SLC24A3: variants seen among roughly 807,000 people sequenced by gnomAD.
The protein encoded by SLC24A3 is solute carrier family 24 member 3.
In SLC24A3, 28 loss-of-function variants were observed where a neutral mutation model predicts 75.8. The observed-to-expected ratio is 0.37, with a 90% CI of 0.27 to 0.51. SLC24A3 has a LOEUF of 0.51. SLC24A3 is among the 20% of genes least tolerant of loss of function. The pLI is 0.94. For missense variants in SLC24A3, 663 were observed against 847.8 expected, an observed-to-expected ratio of 0.78 and a Z score of 2.71; for synonymous variants, 372 against 334.1, an observed-to-expected ratio of 1.11 and a Z score of -1.24.
At chr20:19,254,573 C>T (rs571067215) in intron 1 of SLC24A3, among the ~76,000 whole-genome samples, 6 of 152,258 alleles carry the variant, frequency 3.9e-5, no homozygotes, top group Admixed American at 1.3e-4. Flanking sequence ...TTATATAACA[C>T]GCGTGATGAC....
At chr20:19,426,074 G>T (rs1600476253) in intron 2 of SLC24A3, among the ~76,000 whole-genome samples, 1 of 152,158 alleles carries the variant, frequency 6.6e-6, no homozygotes, top group Admixed American at 6.6e-5. Flanking sequence ...GCTGCTTCTA[G>T]GCCCTTCAAG....
intron 2 of SLC24A3, among the ~76,000 whole-genome samples, chr20:19,336,340 T>C (rs2122300239): frequency 6.6e-6 from 1 of 152,352 alleles, no homozygotes; most frequent in South Asian, 2.1e-4. Flanking sequence ...CTAAAAGATT[T>C]ACTACCTTGC....
chr20:19,262,587 TC>T (rs1983028492), intron 1 of SLC24A3, among the ~76,000 whole-genome samples: 1 of 151,958 alleles, frequency 6.6e-6, no homozygotes, highest in African/African-American at 2.4e-5. Flanking sequence ...ATATGCTGAT[TC>T]CCCCAATTGT....
intron 9 of SLC24A3, among the ~76,000 whole-genome samples, chr20:19,678,249 G>A (rs1332561688): frequency 2.7e-5 from 4 of 149,040 alleles, no homozygotes; most frequent in South Asian, 2.1e-4. Flanking sequence ...GGTGGTGGCC[G>A]GGCAGAGGGG....
chr20:19,311,894 G>A (rs940854644), intron 2 of SLC24A3, among the ~76,000 whole-genome samples: 9 of 152,108 alleles, frequency 5.9e-5, no homozygotes, highest in African/African-American at 2.2e-4. Context: ...TGAGAAACAT[G>A]GCTGCCGGTG....
intron 6 of SLC24A3, among the ~76,000 whole-genome samples, chr20:19,649,961 G>T (rs1568684992): frequency 1.3e-5 from 2 of 152,228 alleles, no homozygotes; most frequent in African/African-American, 4.8e-5. Context: ...CTTCTTTGCA[G>T]GAAGGGTCAG....
At chr20:19,575,612 A>G (rs188220219) in intron 3 of SLC24A3, among the ~76,000 whole-genome samples, 1 of 152,346 alleles carries the variant, frequency 6.6e-6, no homozygotes, top group African/African-American at 2.4e-5. Context: ...CCTATCATTC[A>G]TCGTTTCCAG....
intron 2 of SLC24A3, among the ~76,000 whole-genome samples, chr20:19,346,316 G>GGT (rs1985422315): frequency 1.1e-5 from 1 of 88,050 alleles, no homozygotes; most frequent in African/African-American, 6.1e-5. Flanking sequence ...ATATATATAT[G>GGT]GTATATATAT....
At chr20:19,325,795 TAGAGAGAGAGAG>T (rs745745496) in intron 2 of SLC24A3, among the ~76,000 whole-genome samples, 30 of 67,794 alleles carry the variant, frequency 4.4e-4, no homozygotes, top group East Asian at 1.3e-3. Flanking sequence ...TATATATATA[TAGAGAGAGAGAG>T]AGAGAGAGAG....
intron 2 of SLC24A3, among the ~76,000 whole-genome samples, chr20:19,318,133 G>A (rs1361453402): frequency 1.3e-5 from 2 of 152,184 alleles, no homozygotes; most frequent in Non-Finnish European, 2.9e-5. Flanking sequence ...GGCTGACTCT[G>A]AGGCACGAGT....
chr20:19,388,846 G>A (rs6046046), intron 2 of SLC24A3, among the ~76,000 whole-genome samples: 18,041 of 151,852 alleles, frequency 0.12, 1,592 homozygotes, highest in East Asian at 0.33. Context: ...CTTTTAATTG[G>A]ATAATTTCAG....
intron 3 of SLC24A3, among the ~76,000 whole-genome samples, chr20:19,573,041 C>A (rs562511984): frequency 6.6e-6 from 1 of 152,326 alleles, no homozygotes; most frequent in East Asian, 1.9e-4. Flanking sequence ...GGCCACAGTT[C>A]TGTAGCACTT....
chr20:19,218,844 T>C (rs1981632282), intron 1 of SLC24A3, among the ~76,000 whole-genome samples: 2 of 152,168 alleles, frequency 1.3e-5, no homozygotes, highest in South Asian at 4.1e-4. Flanking sequence ...TTTCTTTTCC[T>C]TGAGTGAAAG....
intron 6 of SLC24A3, among the ~76,000 whole-genome samples, chr20:19,591,748 C>T (rs2031381465): frequency 6.6e-6 from 1 of 152,166 alleles, no homozygotes. Flanking sequence ...CCCATTTCTC[C>T]CTTCCCTCCA....
chr20:19,566,152 C>G (rs1431801412), intron 3 of SLC24A3, among the ~76,000 whole-genome samples: 1 of 152,184 alleles, frequency 6.6e-6, no homozygotes, highest in Non-Finnish European at 1.5e-5. Flanking sequence ...AACCGGGAAG[C>G]CAGTGTGCCT....
intron 2 of SLC24A3, among the ~76,000 whole-genome samples, chr20:19,450,816 T>G (rs948589053): frequency 6.6e-6 from 1 of 152,042 alleles, no homozygotes; most frequent in Non-Finnish European, 1.5e-5. Context: ...CTGGCCAACA[T>G]GGTGAAACCC....
intron 2 of SLC24A3, among the ~76,000 whole-genome samples, chr20:19,430,774 G>GCACA (rs138066072): frequency 6.7e-6 from 1 of 150,170 alleles, no homozygotes; most frequent in East Asian, 2.0e-4. Flanking sequence ...TTGCATGCAT[G>GCACA]CACACACACA....
intron 2 of SLC24A3, among the ~76,000 whole-genome samples, chr20:19,368,651 C>G (rs1276167698): frequency 6.6e-6 from 1 of 152,226 alleles, no homozygotes; most frequent in African/African-American, 2.4e-5. Flanking sequence ...TCTGCTTCAC[C>G]TCTCTCCCTG....
chr20:19,480,249 A>G (rs1226042598), intron 2 of SLC24A3, among the ~76,000 whole-genome samples: 3 of 152,184 alleles, frequency 2.0e-5, no homozygotes, highest in Non-Finnish European at 4.4e-5. Flanking sequence ...TGGCCTTAAG[A>G]TGAGTGAGCT....
Sources: gnomAD v4.1 joint callset for allele counts (sites outside exome capture counted in the v4.1 genomes callset) on GRCh38, gnomAD v4.1.1 for gene constraint, MANE v1.5 for transcripts, NCBI Gene and HGNC (gene_info 2026-07-23, HGNC 2026-07-21) for gene names.